The following TAFA2 variants were observed in gnomAD, a reference collection of about 807,000 sequenced individuals.
The protein encoded by TAFA2 is TAFA chemokine like family member 2, also known as chemokine-like protein TAFA-2.
In TAFA2, 7 loss-of-function variants were observed where a neutral mutation model predicts 18.8. That is an observed-to-expected ratio of 0.37 (90% CI 0.21 to 0.70). The LOEUF (loss-of-function observed/expected upper bound fraction) is 0.70, where lower values mean the gene tolerates loss of function less well. Ranked by LOEUF, TAFA2 falls within the 30% of genes least tolerant of loss-of-function variation. The pLI, the probability that TAFA2 is intolerant of heterozygous loss-of-function variation, is 0.53. For missense variants in TAFA2, 122 were observed against 158.1 expected (o/e 0.77, Z 1.23); for synonymous variants, 60 against 54.2 (o/e 1.11, Z -0.47).
rs1402922879 is a variant in TAFA2, at chr12:62,022,073, TTC to T, written c.-1-154649_-1-154648del. The T allele has an allele frequency of 9.1e-6, 5 of 549,100 alleles. No individual in the cohort carries two copies. The Admixed American group carries it at 1.1e-4, about 12-fold the overall frequency. The allele number at this position is 549,100 out of a possible 1,614,324, so 34.0% of individuals were successfully genotyped here. On this transcript the variant is annotated intron_variant, in intron 1 of 4. Transcript: ENST00000416284. ...ACTGCCCTCTGGAAAACCAAACCTC[TTC>T]TCAACTGCAGCAGTCAGTTCCCCAA...
rs1408949001 is a variant in TAFA2, at chr12:62,021,484, T to C, written c.-1-154058A>G. ...GTCCACTGCATCATTCTTTTTTTTT[T>C]TTCTGTCTTTGTACAATATTTTATT... On this transcript the variant is annotated intron_variant, in intron 1 of 4. Transcript: ENST00000416284. 4.8e-6 allele frequency: 3 copies of C among 626,128 alleles called. No homozygotes were observed. In the East Asian group the frequency reaches 9.4e-5, roughly 20 times the overall value. The allele number at this position is 626,128 out of a possible 1,614,324, so 38.8% of individuals were successfully genotyped here.
chr12:61,772,542 G>A (rs1158996018), intron 2 of TAFA2, among the ~76,000 whole-genome samples: 1 of 151,910 alleles, frequency 6.6e-6, no homozygotes, highest in Non-Finnish European at 1.5e-5. Context: ...TACCAGGGAT[G>A]CAGGGATGGT....
At chr12:61,715,480 C>A (rs959457625) in intron 4 of TAFA2, among the ~76,000 whole-genome samples, 1 of 152,010 alleles carries the variant, frequency 6.6e-6, no homozygotes, top group African/African-American at 2.4e-5. Flanking sequence ...TCCCGAGTAG[C>A]TGGGACCACA....
At chr12:62,111,113 G>A (rs975900813) in intron 1 of TAFA2, among the ~76,000 whole-genome samples, 4 of 152,058 alleles carry the variant, frequency 2.6e-5, no homozygotes, top group African/African-American at 9.7e-5. Flanking sequence ...ACTTTCTCCT[G>A]TGGGCATTTA....
intron 1 of TAFA2, among the ~76,000 whole-genome samples, chr12:62,233,908 G>A (rs1281627722): frequency 6.6e-6 from 1 of 152,178 alleles, no homozygotes; most frequent in Admixed American, 6.5e-5. Context: ...AGGGGTGGGA[G>A]AGCAGGGCAG....
At chr12:62,046,343 A>G (rs930459015) in intron 1 of TAFA2, among the ~76,000 whole-genome samples, 1 of 152,084 alleles carries the variant, frequency 6.6e-6, no homozygotes, top group Non-Finnish European at 1.5e-5. Flanking sequence ...AAAAAAAGAT[A>G]CCATAAAAGC....
chr12:61,889,938 G>C (rs776107273), intron 1 of TAFA2, among the ~76,000 whole-genome samples: 1 of 152,166 alleles, frequency 6.6e-6, no homozygotes, highest in Non-Finnish European at 1.5e-5. Context: ...GGCCCACAAT[G>C]ACTAGGATAA....
rs1474638200 is a variant in TAFA2, at chr12:62,073,479, T to C, written c.-2+117780A>G. 3.3e-5 allele frequency among the ~76,000 whole-genome samples: 5 copies of C among 150,690 alleles called. No homozygotes were observed. In the East Asian group the frequency reaches 9.8e-4, roughly 29 times the overall value. ...AACACCTTTGAGGTAGGTGTTATATTATAGGTAGGTGTTATTATCTTATCT... is the reference window on the plus strand; with the variant it reads ...AACACCTTTGAGGTAGGTGTTATATCATAGGTAGGTGTTATTATCTTATCT... On this transcript the variant is annotated intron_variant, in intron 1 of 4. Transcript: ENST00000416284.
chr12:61,950,679 T>C (rs1339519539), intron 1 of TAFA2, among the ~76,000 whole-genome samples: 2 of 152,158 alleles, frequency 1.3e-5, no homozygotes, highest in Non-Finnish European at 2.9e-5. Flanking sequence ...TTATCAGATA[T>C]ATAATTTGTT....
chr12:61,843,049 GGA>G (rs1873252229), intron 2 of TAFA2, among the ~76,000 whole-genome samples: 2 of 152,150 alleles, frequency 1.3e-5, no homozygotes, highest in Admixed American at 1.3e-4. Context: ...ATCACCGTAT[GGA>G]GAGAGAGACT....
At chr12:62,132,264 A>G (rs1027968126) in intron 1 of TAFA2, among the ~76,000 whole-genome samples, 8 of 150,370 alleles carry the variant, frequency 5.3e-5, no homozygotes, top group African/African-American at 2.0e-4. Flanking sequence ...TTAAACTCTA[A>G]TCACTTCTAT....
At chr12:62,252,620 T>C (rs1355812947) in intron 1 of TAFA2, 1 of 152,200 alleles carries the variant, frequency 6.6e-6, no homozygotes, top group Non-Finnish European at 1.5e-5. Flanking sequence ...TGCTGGCCAT[T>C]GATTCAGAGG....
intron 1 of TAFA2, among the ~76,000 whole-genome samples, chr12:61,903,289 C>T (rs1301497070): frequency 1.3e-5 from 2 of 152,122 alleles, no homozygotes; most frequent in Non-Finnish European, 2.9e-5. Flanking sequence ...CTCCCCCTCC[C>T]TCACTTCCTT....
chr12:62,241,332 A>C (rs1020849999), intron 1 of TAFA2, among the ~76,000 whole-genome samples: 3 of 152,236 alleles, frequency 2.0e-5, no homozygotes, highest in African/African-American at 7.2e-5. Flanking sequence ...CTAATCAAAG[A>C]AAAGCATGAC....
chr12:61,993,637 A>G (rs1479612335), intron 1 of TAFA2, among the ~76,000 whole-genome samples: 2 of 152,174 alleles, frequency 1.3e-5, no homozygotes, highest in Non-Finnish European at 2.9e-5. Context: ...GTAGATGCCC[A>G]TTTGCTCAGA....
chr12:61,749,474 T>A (rs1592363816), intron 4 of TAFA2, among the ~76,000 whole-genome samples: 2 of 152,214 alleles, frequency 1.3e-5, no homozygotes, highest in East Asian at 3.9e-4. Flanking sequence ...AATGCTTCTG[T>A]ATTTGCTTTT....
chr12:61,843,037 G>C (rs2121131158), intron 2 of TAFA2, among the ~76,000 whole-genome samples: 1 of 152,128 alleles, frequency 6.6e-6, no homozygotes, highest in African/African-American at 2.4e-5. Context: ...AAGTTGAGAT[G>C]AATCACCGTA....
intron 4 of TAFA2, among the ~76,000 whole-genome samples, chr12:61,734,819 A>C (rs1325536331): frequency 1.3e-5 from 2 of 152,044 alleles, no homozygotes; most frequent in Non-Finnish European, 2.9e-5. Context: ...GTAAGTGTAC[A>C]GTTCAGTGGT....
chr12:61,985,263 A>C (rs1341471384), intron 1 of TAFA2, among the ~76,000 whole-genome samples: 1 of 152,216 alleles, frequency 6.6e-6, no homozygotes, highest in Non-Finnish European at 1.5e-5. Context: ...TTTTTGAAAA[A>C]AGAACATAAA....
Sources: allele counts gnomAD v4.1 joint callset (sites outside exome capture counted in the v4.1 genomes callset), GRCh38; gene constraint gnomAD v4.1.1; transcripts MANE v1.5; gene names NCBI Gene and HGNC (gene_info 2026-07-23, HGNC 2026-07-21).